The following ANKS1B variants were observed in gnomAD, a reference collection of about 807,000 sequenced individuals.
ANKS1B encodes the protein ankyrin repeat and sterile alpha motif domain containing 1B, also known as ankyrin repeat and sterile alpha motif domain-containing protein 1B.
A neutral mutation model predicts 148.3 loss-of-function variants in ANKS1B; 36 were observed. The observed-to-expected ratio is 0.24, with a 90% CI of 0.19 to 0.32. The LOEUF (loss-of-function observed/expected upper bound fraction) is 0.32. Among genes scored for constraint, ANKS1B ranks in the 10% least tolerant of loss-of-function variants. The probability of loss-of-function intolerance (pLI) is 1.00; values close to 1 mark genes in which losing one functional copy is unlikely to be tolerated. For synonymous variants in ANKS1B, 542 were observed against 560.8 expected (o/e 0.97, Z 0.47); for missense variants, 1,157 against 1,542.6 (o/e 0.75, Z 4.19).
At chr12:99,163,614 T>C (rs1368781624) in intron 14 of ANKS1B, among the ~76,000 whole-genome samples, 5 of 152,056 alleles carry the variant, frequency 3.3e-5, no homozygotes, top group Non-Finnish European at 5.9e-5. Context: ...TTTATGGCCA[T>C]AGCCTTCTTC....
intron 17 of ANKS1B, among the ~76,000 whole-genome samples, chr12:98,866,468 T>A (rs1183730080): frequency 6.6e-6 from 1 of 152,246 alleles, no homozygotes; most frequent in African/African-American, 2.4e-5. Context: ...GGCTCCCCAC[T>A]GCCCACAGGC....
intron 12 of ANKS1B, among the ~76,000 whole-genome samples, chr12:99,324,413 T>A (rs549921316): frequency 6.6e-6 from 1 of 152,118 alleles, no homozygotes; most frequent in African/African-American, 2.4e-5. Context: ...TTGGGAACAA[T>A]GAACTAGAAG....
intron 9 of ANKS1B, among the ~76,000 whole-genome samples, chr12:99,550,305 C>G (rs540403691): frequency 6.6e-6 from 1 of 152,252 alleles, no homozygotes; most frequent in South Asian, 2.1e-4. Flanking sequence ...AATTCAAATT[C>G]CTACCTATCC....
rs57048344 is a variant in ANKS1B at position 99,852,222 on chromosome 12, G to A, written c.135-26833C>T. Among the ~76,000 whole-genome samples the A allele has an allele frequency of 1.6e-3, 248 of 152,240 alleles. 8 individuals carry two copies. The East Asian group carries it at 0.041, about 25-fold the overall frequency. Reference sequence around the variant, plus strand: ...TCATAAGATTTTAGCTGAATAAAGGGTACATGCTTCCAAGTGACCAAAATA... The same window carrying A: ...TCATAAGATTTTAGCTGAATAAAGGATACATGCTTCCAAGTGACCAAAATA... On this transcript the variant is annotated intron_variant, in intron 1 of 26. Coordinates refer to ENST00000683438, the MANE Select transcript of ANKS1B (RefSeq NM_001352186.2).
intron 9 of ANKS1B, among the ~76,000 whole-genome samples, chr12:99,550,664 T>G (rs1275672533): frequency 6.6e-6 from 1 of 151,974 alleles, no homozygotes; most frequent in Non-Finnish European, 1.5e-5. Context: ...ATGTAGAAAT[T>G]TTTATTTTTA....
chr12:99,467,548 T>G (rs1166245352), intron 10 of ANKS1B, among the ~76,000 whole-genome samples: 1 of 152,182 alleles, frequency 6.6e-6, no homozygotes, highest in Non-Finnish European at 1.5e-5. Flanking sequence ...CCCCACTGTC[T>G]CAGCCCAAAA....
intron 16 of ANKS1B, among the ~76,000 whole-genome samples, chr12:99,056,825 C>T (rs1330429549): frequency 2.6e-5 from 4 of 152,184 alleles, no homozygotes; most frequent in Non-Finnish European, 5.9e-5. Context: ...TCAGGACTGG[C>T]TTCTCTTCTT....
At chr12:99,730,664 T>G (rs2059048732) in intron 8 of ANKS1B, among the ~76,000 whole-genome samples, 1 of 152,162 alleles carries the variant, frequency 6.6e-6, no homozygotes, top group Non-Finnish European at 1.5e-5. Flanking sequence ...ATAGGATTAC[T>G]CTCTGTCTGG....
At chr12:99,666,426 G>A (rs1264239166) in intron 8 of ANKS1B, among the ~76,000 whole-genome samples, 1 of 152,140 alleles carries the variant, frequency 6.6e-6, no homozygotes, top group African/African-American at 2.4e-5. Flanking sequence ...GAACATGATG[G>A]TATATCCCCG....
intron 12 of ANKS1B, among the ~76,000 whole-genome samples, chr12:99,272,339 A>G (rs1053442447): frequency 1.3e-5 from 2 of 152,176 alleles, no homozygotes; most frequent in African/African-American, 4.8e-5. Flanking sequence ...TTAGTGCTTG[A>G]GAAATAACAT....
rs928090729 is a variant in ANKS1B at position 99,150,841 on chromosome 12, T to C, written c.2526+3448A>G. On this transcript the variant is annotated intron_variant, in intron 15 of 26. Transcript: ENST00000683438. ...AGGTTAGTGAGTATCAGGTAGGCTT[T>C]GCCAAGCAGGAGGGAGGTGATGATA... Among the ~76,000 whole-genome samples the C allele has an allele frequency of 3.2e-4, 48 of 151,898 alleles. 3 individuals carry two copies. Among genetic ancestry groups the C allele is most frequent in the Non-Finnish European group, 5.9e-5 (4 of 67,970 alleles).
chr12:99,571,655 G>A (rs1440242520), intron 9 of ANKS1B, among the ~76,000 whole-genome samples: 1 of 152,070 alleles, frequency 6.6e-6, no homozygotes, highest in South Asian at 2.1e-4. Flanking sequence ...GAACATTGGG[G>A]AATACTATTA....
chr12:98,757,128 G>A (rs557022172), intron 25 of ANKS1B, among the ~76,000 whole-genome samples: 2 of 152,160 alleles, frequency 1.3e-5, no homozygotes, highest in Non-Finnish European at 2.9e-5. Context: ...AGGAGAGGCT[G>A]CCTGGACAGG....
chr12:99,053,322 A>C lies in ANKS1B; in HGVS notation c.2626-13T>G. 1 of 1,573,144 alleles carries C rather than the reference A, an allele frequency of 6.4e-7. No homozygotes were observed. The highest frequency in any genetic ancestry group is 8.6e-7 in the Non-Finnish European group (1 of 1,162,748). On this transcript the variant is annotated splice_polypyrimidine_tract_variant and intron_variant, in intron 16 of 26. Transcript: ENST00000683438. ...CAATGGGTCTCATCTGTAATAAAGA[A>C]AATTACATTAGGATTAAACTGTATA...
At chr12:99,983,510 T>G (rs2095738857) in intron 1 of ANKS1B, among the ~76,000 whole-genome samples, 1 of 152,220 alleles carries the variant, frequency 6.6e-6, no homozygotes, top group African/African-American at 2.4e-5. Context: ...CTCAGCTATG[T>G]CCAGGTAACT....
chr12:99,876,841 T>C (rs909548090), intron 1 of ANKS1B, among the ~76,000 whole-genome samples: 1 of 152,168 alleles, frequency 6.6e-6, no homozygotes, highest in Non-Finnish European at 1.5e-5. Context: ...GCTTTTTTTC[T>C]TAATTAGTTT....
At chr12:99,762,582 A>C (rs925521217) in intron 8 of ANKS1B, among the ~76,000 whole-genome samples, 10 of 152,166 alleles carry the variant, frequency 6.6e-5, no homozygotes, top group Non-Finnish European at 1.3e-4. Context: ...AGAATCTTAG[A>C]ATGAAACCTA....
At position 98,798,278 on chromosome 12, in the gene ANKS1B, T is replaced by C. The variant is rs561575156; in HGVS notation, c.3342+656A>G. 9.2e-5 allele frequency among the ~76,000 whole-genome samples: 14 copies of C among 152,196 alleles called. No individual in the cohort carries two copies. In the South Asian group the frequency reaches 1.2e-3, roughly 14 times the overall value. On this transcript the variant is annotated intron_variant, in intron 22 of 26. Coordinates refer to ENST00000683438, the MANE Select transcript of ANKS1B (RefSeq NM_001352186.2). ...CTGGGATTACAGGTGCATGCCACCA[T>C]GCCTGGCTAATTTTTGTATTTTTAG...
At position 99,403,152 on chromosome 12, in the gene ANKS1B, C is replaced by CTT. The variant is rs143800860; in HGVS notation, c.1576-3343_1576-3342dup. ...CAGCAGTGTCTGTTCACTTTTCTTT[C>CTT]TTTTTTTTTTTTTTTTTTTTTTTTT... On this transcript the variant is annotated intron_variant, in intron 11 of 26. Coordinates refer to ENST00000683438, the MANE Select transcript of ANKS1B (RefSeq NM_001352186.2). Among the ~76,000 whole-genome samples, 255 of 73,164 alleles carry CTT rather than the reference C, an allele frequency of 3.5e-3. 34 individuals carry two copies. The East Asian group carries it at 0.055, about 16-fold the overall frequency. The allele number at this position is 73,164 out of a possible 152,430, so 48.0% of individuals were successfully genotyped here.
Sources: allele counts gnomAD v4.1 joint callset (sites outside exome capture counted in the v4.1 genomes callset), GRCh38; gene constraint gnomAD v4.1.1; transcripts MANE v1.5; gene names NCBI Gene and HGNC (gene_info 2026-07-23, HGNC 2026-07-21).